Variants in FHIT observed in about 807,000 individuals in gnomAD.
FHIT encodes the protein bis(5'-adenosyl)-triphosphatase.
In FHIT, 19 loss-of-function variants were observed where a neutral mutation model predicts 17.9. The ratio of observed to expected loss-of-function variants is 1.06; its 90% CI spans 0.74 to 1.56. The LOEUF is 1.56. Ranked by LOEUF, FHIT falls within the 40% of genes most tolerant of loss-of-function variation. FHIT has a pLI of 0.00. For missense variants in FHIT, 248 were observed against 189.2 expected, an observed-to-expected ratio of 1.31 and a Z score of -1.82; for synonymous variants, 81 against 69.7, an observed-to-expected ratio of 1.16 and a Z score of -0.81.
intron 7 of FHIT, among the ~76,000 whole-genome samples, chr3:59,986,731 A>AATATATACATATATTTATAT (rs1553641725): frequency 3.9e-3 from 24 of 6,090 alleles, no homozygotes; most frequent in Non-Finnish European, 7.9e-3. Context: ...TATTTATATA[A>AATATATACATATATTTATAT]ATATATACAT....
intron 5 of FHIT, among the ~76,000 whole-genome samples, chr3:60,221,852 G>A (rs1025786496): frequency 2.6e-5 from 4 of 151,848 alleles, no homozygotes; most frequent in South Asian, 4.2e-4. Context: ...ATTCTCTATC[G>A]CTGTCCTATT....
intron 5 of FHIT, among the ~76,000 whole-genome samples, chr3:60,288,767 T>C (rs191207752): frequency 2.0e-5 from 3 of 152,320 alleles, no homozygotes; most frequent in African/African-American, 7.2e-5. Flanking sequence ...TTTTAAAATA[T>C]ATGTAATACA....
At chr3:60,250,622 G>C (rs753694300) in intron 5 of FHIT, among the ~76,000 whole-genome samples, 83 of 152,124 alleles carry the variant, frequency 5.5e-4, no homozygotes, top group Non-Finnish European at 1.0e-3. Context: ...GCATTTAAGA[G>C]CTCTGCTAAA....
chr3:60,109,143 G>T (rs62240186), intron 5 of FHIT, among the ~76,000 whole-genome samples: 37 of 72,178 alleles, frequency 5.1e-4, no homozygotes, highest in Middle Eastern at 7.4e-3. Flanking sequence ...TAGGGGCAGG[G>T]AGAGAGAGAG....
intron 5 of FHIT, among the ~76,000 whole-genome samples, chr3:60,082,370 C>G (rs1703325696): frequency 6.6e-6 from 1 of 152,008 alleles, no homozygotes; most frequent in Non-Finnish European, 1.5e-5. Flanking sequence ...TTATCTAATC[C>G]ACCATTGATG....
intron 5 of FHIT, among the ~76,000 whole-genome samples, chr3:60,422,687 G>C: frequency 6.6e-6 from 1 of 152,082 alleles, no homozygotes; most frequent in Non-Finnish European, 1.5e-5. Flanking sequence ...GGAGAAAAAA[G>C]ACTTAAGTCT....
Position 60,029,121 on chromosome 3 carries a change from C to G in FHIT, c.104-14969G>C, listed in dbSNP as rs139827378. Among the ~76,000 whole-genome samples the G allele has an allele frequency of 5.6e-3, 850 of 152,210 alleles. 6 individuals carry two copies. Among genetic ancestry groups the G allele is most frequent in the African/African-American group, 0.019 (804 of 41,518 alleles). ...ACAGTGTACTAAATTAGTATTAGTT[C>G]GTTTTTTACTTCTTTCATTATATTT... On this transcript the variant is annotated intron_variant, in intron 5 of 9. Coordinates refer to ENST00000492590, the MANE Select transcript of FHIT (RefSeq NM_002012.4).
At chr3:60,487,238 G>A (rs1439413739) in intron 5 of FHIT, among the ~76,000 whole-genome samples, 1 of 152,144 alleles carries the variant, frequency 6.6e-6, no homozygotes, top group African/African-American at 2.4e-5. Flanking sequence ...TACCCAGCAC[G>A]TGGGCACAAA....
At chr3:59,965,950 T>C (rs1349559687) in intron 7 of FHIT, among the ~76,000 whole-genome samples, 2 of 152,090 alleles carry the variant, frequency 1.3e-5, no homozygotes, top group Non-Finnish European at 2.9e-5. Flanking sequence ...TTCTAGGGAG[T>C]ATGTCACCGT....
At chr3:60,970,885 C>T (rs1188080263) in intron 3 of FHIT, among the ~76,000 whole-genome samples, 1 of 152,140 alleles carries the variant, frequency 6.6e-6, no homozygotes, top group Non-Finnish European at 1.5e-5. Flanking sequence ...CCTGCTTTAG[C>T]AATCATTAGC....
intron 5 of FHIT, among the ~76,000 whole-genome samples, chr3:60,063,958 G>A (rs1369257784): frequency 1.3e-5 from 2 of 152,330 alleles, no homozygotes; most frequent in African/African-American, 2.4e-5. Context: ...CAAGCTAAGT[G>A]TGAAGAATGT....
Position 61,065,084 on chromosome 3 carries a change from G to A in FHIT, c.-163-22985C>T, listed in dbSNP as rs560145537. On this transcript the variant is annotated intron_variant, in intron 2 of 9. Transcript: ENST00000492590. Reference sequence around the variant, plus strand: ...CCTGTCTTATTATATAGACTGATTGGGTACCATCCAGGCAAACAAAAAAAA... The same window carrying A: ...CCTGTCTTATTATATAGACTGATTGAGTACCATCCAGGCAAACAAAAAAAA... 4.6e-5 allele frequency among the ~76,000 whole-genome samples: 7 copies of A among 152,042 alleles called. 1 individual carries two copies. In the South Asian group the frequency reaches 1.5e-3, roughly 32 times the overall value.
intron 5 of FHIT, among the ~76,000 whole-genome samples, chr3:60,309,415 A>G (rs147809865): frequency 2.7e-4 from 41 of 152,256 alleles, no homozygotes; most frequent in African/African-American, 9.4e-4. Flanking sequence ...CCATTTTAAC[A>G]TAGGCTACTT....
In FHIT at chr3:59,912,042, T is replaced by C. The variant is rs182751375; in HGVS notation, c.348+10304A>G. 9.1e-4 allele frequency among the ~76,000 whole-genome samples: 138 copies of C among 152,374 alleles called. 1 individual carries two copies. Among genetic ancestry groups the C allele is most frequent in the African/African-American group, 3.1e-3 (128 of 41,596 alleles). ...TCTCAGGTCTGTTTCTTACTCTCTC[T>C]GTGTCCTCAGAAAAGTTTTCAAGTC... On this transcript the variant is annotated intron_variant, in intron 8 of 9. Coordinates refer to ENST00000492590, the MANE Select transcript of FHIT (RefSeq NM_002012.4).
rs9812818 is a variant in FHIT, at chr3:60,337,132, C to T, written c.103+199728G>A. ...GCAACATTTATTCTTGGGCTAAGTT[C>T]ACAATTGAGACAACAATTCTTTCCT... On this transcript the variant is annotated intron_variant, in intron 5 of 9. Coordinates refer to ENST00000492590, the MANE Select transcript of FHIT (RefSeq NM_002012.4). 1.8e-3 allele frequency among the ~76,000 whole-genome samples: 267 copies of T among 152,246 alleles called. 2 individuals are homozygous for T. The highest frequency in any genetic ancestry group is 6.3e-3 in the African/African-American group (262 of 41,564).
chr3:60,899,938 T>C (rs1369501919), intron 3 of FHIT, among the ~76,000 whole-genome samples: 2 of 152,152 alleles, frequency 1.3e-5, no homozygotes, highest in Non-Finnish European at 2.9e-5. Context: ...CTCTGAACAC[T>C]GCATACCGCA....
At chr3:59,794,259 C>A (rs1042546637) in intron 8 of FHIT, among the ~76,000 whole-genome samples, 1 of 152,192 alleles carries the variant, frequency 6.6e-6, no homozygotes, top group African/African-American at 2.4e-5. Flanking sequence ...ACGTTTTGCA[C>A]TGAAGCTTTC....
chr3:59,947,320 T>A (rs1412635198), intron 7 of FHIT, among the ~76,000 whole-genome samples: 2 of 152,190 alleles, frequency 1.3e-5, no homozygotes, highest in Non-Finnish European at 2.9e-5. Flanking sequence ...TAATAGTCTC[T>A]GGGGAGTTTT....
intron 1 of FHIT, among the ~76,000 whole-genome samples, chr3:61,212,852 A>G (rs904405803): frequency 8.5e-5 from 13 of 152,246 alleles, no homozygotes; most frequent in African/African-American, 1.2e-4. Flanking sequence ...GCCCATATTC[A>G]ACATTCTTAA....
Sources: gnomAD v4.1 joint callset for allele counts (sites outside exome capture counted in the v4.1 genomes callset) on GRCh38, gnomAD v4.1.1 for gene constraint, MANE v1.5 for transcripts, NCBI Gene and HGNC (gene_info 2026-07-23, HGNC 2026-07-21) for gene names.